Variants in ZNF208 observed in about 807,000 individuals in gnomAD.
ZNF208 encodes zinc finger protein 95.
ZNF208 carries 10 observed loss-of-function variants against 12.1 expected under a neutral mutation model. The observed-to-expected ratio is 0.83, with a 90% confidence interval of 0.51 to 1.40. The LOEUF (loss-of-function observed/expected upper bound fraction) is 1.40, where lower values mean the gene tolerates loss of function less well. ZNF208 is among the 40% of genes most tolerant of loss of function. ZNF208 has a pLI of 0.00. For missense variants in ZNF208, 1,652 were observed against 1,485.0 expected (o/e 1.11, Z -1.85); for synonymous variants, 497 against 488.4 (o/e 1.02, Z -0.23).
intron 4 of ZNF208, among the ~76,000 whole-genome samples, chr19:21,950,929 A>G (rs1009228210): frequency 6.6e-6 from 1 of 152,152 alleles, no homozygotes; most frequent in Non-Finnish European, 1.5e-5. Context: ...TGTGATGTCT[A>G]TAAAAAACCT....
In ZNF208 at chr19:21,969,510, A is replaced by C. The variant is rs1042340461; in HGVS notation, c.*1681T>G. 1.1e-4 allele frequency among the ~76,000 whole-genome samples: 16 copies of C among 152,134 alleles called. No individual in the cohort carries two copies. The highest frequency in any genetic ancestry group is 8.5e-4 in the Admixed American group (13 of 15,248). On this transcript the variant is annotated 3_prime_UTR_variant, in exon 4 of 4. Transcript: ENST00000397126. ...TTTACATAAACTTAATTTTGGATTAAATATTTTTTATATTTACTGTATCTG... is the reference window on the plus strand; with the variant it reads ...TTTACATAAACTTAATTTTGGATTACATATTTTTTATATTTACTGTATCTG...
intron 1 of ZNF208, among the ~76,000 whole-genome samples, chr19:22,004,264 C>G (rs1180351758): frequency 1.3e-5 from 2 of 152,000 alleles, no homozygotes; most frequent in Non-Finnish European, 2.9e-5. Context: ...CACTTGTAAT[C>G]CCAGCACTTT....
Position 21,973,931 on chromosome 19 carries a change from G to T in ZNF208, c.1103C>A (p.Pro368His). 1 of 1,613,528 alleles carries T rather than the reference G, an allele frequency of 6.2e-7. No homozygotes were observed. The highest frequency in any genetic ancestry group is 8.5e-7 in the Non-Finnish European group (1 of 1,179,882). Residue 368 changes from proline to histidine, a missense_variant, in exon 4 of 4, where the codon CCC (proline) becomes CAC (histidine). Transcript: ENST00000397126. ...KHKVIHTGEK[P>H]YKCEECGKAY... The stretch of plus-strand genomic sequence containing the variant: ...TTTGCCGCATTCTTCACATTTGTAG[G>T]GTTTCTCTCCAGTATGAATTACCTT...
intron 4 of ZNF208, among the ~76,000 whole-genome samples, chr19:21,945,013 T>C (rs1969795542): frequency 6.6e-6 from 1 of 152,206 alleles, no homozygotes; most frequent in African/African-American, 2.4e-5. Context: ...ATTTTACCTT[T>C]CCTCAAACTG....
At chr19:21,957,379 C>T (rs1486613039) in intron 4 of ZNF208, among the ~76,000 whole-genome samples, 5 of 152,246 alleles carry the variant, frequency 3.3e-5, no homozygotes, top group South Asian at 2.1e-4. Flanking sequence ...AACAGAAAAA[C>T]GCTAGTTCTT....
intron 4 of ZNF208, among the ~76,000 whole-genome samples, chr19:21,958,381 G>C (rs1461361256): frequency 2.0e-5 from 3 of 152,110 alleles, no homozygotes; most frequent in Non-Finnish European, 2.9e-5. Context: ...CAATATTCTA[G>C]TTCTAAGCAA....
downstream of ZNF208, chr19:21,965,862 C>G (rs1197064021): frequency 1.3e-5 from 2 of 151,696 alleles, no homozygotes; most frequent in Non-Finnish European, 2.9e-5. Flanking sequence ...CAAATTAAGT[C>G]TATAGTGTAG....
At chr19:22,007,432 AC>A (rs1343537702) in intron 1 of ZNF208, among the ~76,000 whole-genome samples, 2 of 147,850 alleles carry the variant, frequency 1.4e-5, no homozygotes, top group African/African-American at 5.0e-5. Flanking sequence ...AAGGGCGTAA[AC>A]CTGGGAGGAG....
At chr19:21,940,396 T>G in intron 4 of ZNF208, 1 of 152,278 alleles carries the variant, frequency 6.6e-6, no homozygotes, top group East Asian at 1.9e-4. Flanking sequence ...TCATCATTCT[T>G]AGGTAAAATA....
rs1006603578 is a variant in ZNF208, at chr19:21,967,854, A to G, written c.*3337T>C. On this transcript the variant is annotated 3_prime_UTR_variant, in exon 4 of 4. Coordinates refer to ENST00000397126, the MANE Select transcript of ZNF208 (RefSeq NM_007153.3). Reference sequence around the variant, plus strand: ...TGCTTTAGGCAGAATGACCATTTTAATTATATTATTTGAATCCATGAGCAA... The same window carrying G: ...TGCTTTAGGCAGAATGACCATTTTAGTTATATTATTTGAATCCATGAGCAA... 6.6e-6 allele frequency: 1 copy of G among 152,166 alleles called. No individual in the cohort carries two copies. The highest frequency in any genetic ancestry group is 2.4e-5 in the African/African-American group (1 of 41,460). 9.4% of individuals were successfully genotyped at this position (152,166 alleles called of 1,614,324 possible).
At chr19:22,005,547 C>T (rs918666977) in intron 1 of ZNF208, among the ~76,000 whole-genome samples, 1 of 152,146 alleles carries the variant, frequency 6.6e-6, no homozygotes, top group African/African-American at 2.4e-5. Context: ...ATTCTGACAC[C>T]ACCCAGAGTC....
At chr19:21,942,156 C>A (rs1401383068) in intron 4 of ZNF208, among the ~76,000 whole-genome samples, 1 of 152,000 alleles carries the variant, frequency 6.6e-6, no homozygotes, top group Non-Finnish European at 1.5e-5. Context: ...AATTAAAATA[C>A]CAAATATTTT....
intron 1 of ZNF208, among the ~76,000 whole-genome samples, chr19:21,992,065 T>A (rs530677589): frequency 1.3e-5 from 2 of 152,226 alleles, no homozygotes; most frequent in East Asian, 1.9e-4. Context: ...AGGTTTCATT[T>A]TCCAAAAACA....
At chr19:21,941,839 T>G (rs1599598797) in intron 4 of ZNF208, among the ~76,000 whole-genome samples, 1 of 152,198 alleles carries the variant, frequency 6.6e-6, no homozygotes, top group African/African-American at 2.4e-5. Flanking sequence ...TTTTTAAAAG[T>G]GGCAGCCATA....
rs562417059 is a variant in ZNF208, at chr19:21,988,250, T to C, written c.130+533A>G. Reference sequence around the variant, plus strand: ...AAAACTCCTATGATTTTCTTGAAAATAGAAATCTGAAAGCATAAATTACCA... The same window carrying C: ...AAAACTCCTATGATTTTCTTGAAAACAGAAATCTGAAAGCATAAATTACCA... On this transcript the variant is annotated intron_variant, in intron 2 of 3. Coordinates refer to ENST00000397126, the MANE Select transcript of ZNF208 (RefSeq NM_007153.3). Among the ~76,000 whole-genome samples, 4 of 152,126 alleles carry C rather than the reference T, an allele frequency of 2.6e-5. No individual in the cohort carries two copies. The South Asian group carries it at 6.2e-4, about 24-fold the overall frequency.
chr19:21,987,355 C>G, intron 2 of ZNF208, 44 bp from the exon 3 acceptor site: 1 of 1,561,786 alleles, frequency 6.4e-7, no homozygotes, highest in East Asian at 2.3e-5. Flanking sequence ...CTCATATTCT[C>G]CAATTACCAA....
In ZNF208 at chr19:21,974,104, C is replaced by T; in HGVS notation, c.930G>A (p.Glu310=). 6.3e-7 allele frequency: 1 copy of T among 1,578,226 alleles called. No homozygotes were observed. Among genetic ancestry groups the T allele is most frequent in the Non-Finnish European group, 8.6e-7 (1 of 1,160,706 alleles). Residue 310 remains glutamate, a synonymous_variant, in exon 4 of 4, where the codon GAG becomes GAA. Coordinates refer to ENST00000397126, the MANE Select transcript of ZNF208 (RefSeq NM_007153.3). ...LTTHKAIHAG[E]KPYKCKECGK... is the part of the protein sequence containing the mutation. ...CACATTCTTTACATTTGTAGGGCTT[C>T]TCTCCAGCATGAATTGCCTTATGTG...
At chr19:21,964,700 C>T (rs1436764993), downstream of ZNF208, among the ~76,000 whole-genome samples, 1 of 151,598 alleles carries the variant, frequency 6.6e-6, no homozygotes, top group African/African-American at 2.4e-5. Context: ...CTTATTATTA[C>T]ATAGAAAATT....
At position 21,973,259 on chromosome 19, in the gene ZNF208, T is replaced by C. The variant is rs531548670; in HGVS notation, c.1775A>G (p.Gln592Arg). 4.2e-5 allele frequency: 67 copies of C among 1,611,746 alleles called. No homozygotes were observed. The highest frequency in any genetic ancestry group is 1.0e-4 in the Admixed American group (6 of 59,808). Residue 592 changes from glutamine (Q) to arginine (R), a missense_variant, in exon 4 of 4, where the codon CAA becomes CGA. By Grantham distance (43) the Gln-to-Arg change is conservative. This residue lies in a region of ZNF208 where 1,239 missense variants were observed against 1,086.2 expected (regional missense o/e 1.14). Coordinates refer to ENST00000397126, the MANE Select transcript of ZNF208 (RefSeq NM_007153.3). ...CTTATGTTTAATAAGAATTGCAGATTGGTTAAAAGCTTTGCCACATTCTTC... is the reference window on the plus strand; with the variant it reads ...CTTATGTTTAATAAGAATTGCAGATCGGTTAAAAGCTTTGCCACATTCTTC... ...KCEECGKAFN[Q>R]SAILIKHKRI... is the part of the protein sequence containing the mutation.
Sources: allele counts gnomAD v4.1 joint callset (sites outside exome capture counted in the v4.1 genomes callset), GRCh38; gene constraint gnomAD v4.1.1; regional missense constraint gnomAD v4.1.1; transcripts MANE v1.5; gene names NCBI Gene and HGNC (gene_info 2026-07-23, HGNC 2026-07-21).